WDPCP: variants seen among roughly 807,000 people sequenced by gnomAD.
WDPCP encodes the protein WD repeat-containing and planar cell polarity effector protein fritz homolog.
In WDPCP, 71 loss-of-function variants were observed where a neutral mutation model predicts 93.1. The ratio of observed to expected loss-of-function variants is 0.76; its 90% CI spans 0.63 to 0.93. The LOEUF is 0.93. WDPCP is among the 40% of genes least tolerant of loss of function. WDPCP has a pLI of 0.00. For missense variants in WDPCP, 844 were observed against 887.4 expected, an observed-to-expected ratio of 0.95 and a Z score of 0.62; for synonymous variants, 315 against 315.0, an observed-to-expected ratio of 1.00 and a Z score of 0.00.
chr2:63,172,907 G>A (rs1452371880), intron 15 of WDPCP, among the ~76,000 whole-genome samples: 1 of 152,048 alleles, frequency 6.6e-6, no homozygotes, highest in Admixed American at 6.6e-5. Context: ...GAAGAAAGAA[G>A]CATAAGGAGG....
chr2:63,222,181 A>G (rs529518404), intron 14 of WDPCP, among the ~76,000 whole-genome samples: 3 of 152,382 alleles, frequency 2.0e-5, no homozygotes, highest in African/African-American at 7.2e-5. Context: ...CTAATATTAC[A>G]GACCAACCTT....
intron 3 of WDPCP, chr2:63,594,591 G>T: frequency 6.3e-7 from 1 of 1,585,784 alleles, no homozygotes; most frequent in Non-Finnish European, 8.7e-7. Context: ...GATCAGGTAG[G>T]AACAGGTGTC....
chr2:63,638,686 G>T (rs532158937), intron 3 of WDPCP, among the ~76,000 whole-genome samples: 5 of 152,038 alleles, frequency 3.3e-5, no homozygotes, highest in Non-Finnish European at 7.4e-5. Context: ...CTAATCAGGA[G>T]GCTGAGGTGG....
intron 14 of WDPCP, among the ~76,000 whole-genome samples, chr2:63,212,647 G>T (rs1357536450): frequency 1.3e-5 from 2 of 152,052 alleles, no homozygotes; most frequent in Non-Finnish European, 2.9e-5. Flanking sequence ...TGGACTAAAT[G>T]CCCCAATTAA....
chr2:63,485,004 G>A lies in WDPCP; in HGVS notation c.254-17C>T. 2 of 1,612,076 alleles carry A rather than the reference G, an allele frequency of 1.2e-6. No individual in the cohort carries two copies. The highest frequency in any genetic ancestry group is 1.7e-6 in the Non-Finnish European group (2 of 1,178,692). ...AATCTCGTGCTGGCAAATAAAACAT[G>A]TACTACAGTTAGTTAAACAAGATTT... On this transcript the variant is annotated splice_polypyrimidine_tract_variant and intron_variant, in intron 4 of 17. Coordinates refer to ENST00000272321, the MANE Select transcript of WDPCP (RefSeq NM_015910.7).
At chr2:63,204,193 C>A (rs1676144081) in intron 14 of WDPCP, among the ~76,000 whole-genome samples, 1 of 152,156 alleles carries the variant, frequency 6.6e-6, no homozygotes, top group East Asian at 1.9e-4. Context: ...TCCCTTTTCT[C>A]CACATCCTCA....
chr2:63,311,946 T>C (rs1686218611), intron 13 of WDPCP, among the ~76,000 whole-genome samples: 1 of 152,016 alleles, frequency 6.6e-6, no homozygotes, highest in Non-Finnish European at 1.5e-5. Context: ...GTGGGGAAAA[T>C]CTACCATTAT....
At chr2:63,682,621 A>G (rs1184198406) in intron 2 of WDPCP, among the ~76,000 whole-genome samples, 2 of 152,176 alleles carry the variant, frequency 1.3e-5, no homozygotes, top group Non-Finnish European at 2.9e-5. Flanking sequence ...TAGAAAGTTT[A>G]TTCAAATGGA....
In WDPCP at chr2:63,599,316, T is replaced by C. The variant is rs773191336; in HGVS notation, n.488+51343A>G. ...AAGTAAGAAAAATATATTTTAAATC[T>C]TGTGGTTGTTCAACTTTAAAACATT... On this transcript the variant is annotated intron_variant and non_coding_transcript_variant, in intron 3 of 4. Coordinates refer to the WDPCP transcript ENST00000467687. 9 of 1,597,568 alleles carry C rather than the reference T, an allele frequency of 5.6e-6. No individual in the cohort carries two copies. In the African/African-American group the frequency reaches 1.1e-4, roughly 19 times the overall value.
chr2:63,392,012 C>T (rs559387195), intron 10 of WDPCP, among the ~76,000 whole-genome samples: 21 of 152,298 alleles, frequency 1.4e-4, no homozygotes, highest in Non-Finnish European at 2.6e-4. Flanking sequence ...CAATGACTTT[C>T]TTCACAGAAT....
At chr2:63,132,648 C>A (rs1353214798) in intron 17 of WDPCP, among the ~76,000 whole-genome samples, 5 of 150,872 alleles carry the variant, frequency 3.3e-5, no homozygotes, top group African/African-American at 7.3e-5. Context: ...TTTGACTATC[C>A]CCAGTGTGCC....
intron 14 of WDPCP, among the ~76,000 whole-genome samples, chr2:63,221,050 G>C (rs1371706025): frequency 6.6e-6 from 1 of 152,132 alleles, no homozygotes; most frequent in Non-Finnish European, 1.5e-5. Context: ...TTTTATGGCT[G>C]TATAGTATTC....
In WDPCP at chr2:63,392,430, C is replaced by G. The variant is rs4637094; in HGVS notation, c.1436-10336G>C. Among the ~76,000 whole-genome samples, 3 of 151,912 alleles carry G rather than the reference C, an allele frequency of 2.0e-5. No individual in the cohort carries two copies. In the East Asian group the frequency reaches 5.8e-4, roughly 29 times the overall value. On this transcript the variant is annotated intron_variant, in intron 10 of 17. Coordinates refer to ENST00000272321, the MANE Select transcript of WDPCP (RefSeq NM_015910.7). ...AAATGTTAGGCCTAAAACCATAAAA[C>G]CCCTAGAAGAAAACCTAGGCAATAC...
At chr2:63,520,449 G>T (rs1702842103) in intron 1 of WDPCP, among the ~76,000 whole-genome samples, 1 of 152,066 alleles carries the variant, frequency 6.6e-6, no homozygotes, top group Non-Finnish European at 1.5e-5. Context: ...GATTCTCCAA[G>T]GTCAAAATGA....
intron 6 of WDPCP, among the ~76,000 whole-genome samples, chr2:63,448,955 G>A (rs887564870): frequency 6.6e-6 from 1 of 152,076 alleles, no homozygotes; most frequent in Non-Finnish European, 1.5e-5. Flanking sequence ...AGTGGCTAAA[G>A]TTAATAATAA....
intron 1 of WDPCP, among the ~76,000 whole-genome samples, chr2:63,560,712 C>T (rs560437355): frequency 6.6e-6 from 1 of 152,294 alleles, no homozygotes; most frequent in South Asian, 2.1e-4. Context: ...AACCATCATT[C>T]TCAGCAAACT....
chr2:63,381,049 C>G (rs1367914669), intron 11 of WDPCP, among the ~76,000 whole-genome samples: 2 of 152,008 alleles, frequency 1.3e-5, no homozygotes, highest in Non-Finnish European at 2.9e-5. Context: ...TTTCCTGTTC[C>G]TCCTATCTTG....
chr2:63,786,406 T>C (rs553414015), intron 2 of WDPCP, among the ~76,000 whole-genome samples: 2 of 152,300 alleles, frequency 1.3e-5, no homozygotes, highest in East Asian at 3.9e-4. Context: ...TTTAGGAGAA[T>C]GGCTCTATGC....
At chr2:63,530,789 G>A (rs904295215) in intron 1 of WDPCP, among the ~76,000 whole-genome samples, 4 of 152,178 alleles carry the variant, frequency 2.6e-5, no homozygotes, top group African/African-American at 4.8e-5. Context: ...CACAGAAGAC[G>A]GGTGATTTCT....
Sources: allele counts gnomAD v4.1 joint callset (sites outside exome capture counted in the v4.1 genomes callset), GRCh38; gene constraint gnomAD v4.1.1; transcripts MANE v1.5; gene names NCBI Gene and HGNC (gene_info 2026-07-23, HGNC 2026-07-21).